Variants in STK33 observed in about 807,000 individuals in gnomAD.
The protein encoded by STK33 is serine/threonine kinase 33, also known as serine/threonine-protein kinase 33.
Under a neutral mutation model 58.0 loss-of-function variants are expected in STK33, and 52 were observed. That is an observed-to-expected ratio of 0.90 (90% CI 0.72 to 1.13). STK33 has a LOEUF of 1.13. Ranked by LOEUF, STK33 falls within the 50% of genes most tolerant of loss-of-function variation. The pLI, the probability that STK33 is intolerant of heterozygous loss-of-function variation, is 0.00. For missense variants in STK33, 630 were observed against 604.2 expected, an observed-to-expected ratio of 1.04 and a Z score of -0.45; for synonymous variants, 215 against 200.1, an observed-to-expected ratio of 1.07 and a Z score of -0.63.
the STK33 span, among the ~76,000 whole-genome samples, chr11:8,356,194 C>T: frequency 2.6e-5 from 4 of 152,178 alleles, no homozygotes; most frequent in African/African-American, 4.8e-5. Context: ...CAGGAATCTG[C>T]CCGTTAGTTA....
chr11:8,459,203 T>C (rs1209988961), intron 8 of STK33, among the ~76,000 whole-genome samples: 1 of 152,194 alleles, frequency 6.6e-6, no homozygotes, highest in African/African-American at 2.4e-5. Flanking sequence ...TGTGTAGACC[T>C]GGAGAACACT....
chr11:8,517,895 A>C (rs1181701598), intron 1 of STK33, among the ~76,000 whole-genome samples: 1 of 152,202 alleles, frequency 6.6e-6, no homozygotes, highest in Admixed American at 6.5e-5. Context: ...GGAAGAATGG[A>C]ACCAAGTTGG....
chr11:8,339,353 G>C, the STK33 span, among the ~76,000 whole-genome samples: 3 of 152,198 alleles, frequency 2.0e-5, no homozygotes, highest in African/African-American at 7.2e-5. Context: ...TAAACACCTT[G>C]TCTCCTCAGC....
chr11:8,394,369 G>A (rs1848995388), intron 15 of STK33, among the ~76,000 whole-genome samples: 1 of 152,162 alleles, frequency 6.6e-6, no homozygotes, highest in Admixed American at 6.5e-5. Context: ...CTATTAAAAG[G>A]TGAATCTAAG....
At chr11:8,402,855 T>C (rs1156385808) in intron 15 of STK33, among the ~76,000 whole-genome samples, 3 of 152,248 alleles carry the variant, frequency 2.0e-5, no homozygotes, top group Non-Finnish European at 4.4e-5. Flanking sequence ...TGTTAGGTTA[T>C]AGATTATCTA....
At chr11:8,346,586 G>A in the STK33 span, among the ~76,000 whole-genome samples, 2 of 152,312 alleles carry the variant, frequency 1.3e-5, no homozygotes, top group African/African-American at 4.8e-5. Flanking sequence ...GGAAAGGCCC[G>A]GCTTCCACCT....
chr11:8,459,592 G>A (rs151091182), intron 8 of STK33, among the ~76,000 whole-genome samples: 3 of 152,266 alleles, frequency 2.0e-5, no homozygotes, highest in African/African-American at 7.2e-5. Context: ...TCCTGAGAGA[G>A]AGGAAATACA....
At chr11:8,522,174 C>T (rs1218475585) in intron 1 of STK33, among the ~76,000 whole-genome samples, 1 of 152,182 alleles carries the variant, frequency 6.6e-6, no homozygotes, top group East Asian at 1.9e-4. Context: ...GACACATGCA[C>T]ATGATGTTTA....
intron 9 of STK33, among the ~76,000 whole-genome samples, chr11:8,456,554 G>C (rs921106994): frequency 1.3e-5 from 2 of 151,964 alleles, no homozygotes; most frequent in Admixed American, 6.6e-5. Context: ...ACCAGCTCTA[G>C]CACACCAAAC....
chr11:8,400,629 G>A (rs536366957), intron 15 of STK33, among the ~76,000 whole-genome samples: 9 of 152,124 alleles, frequency 5.9e-5, no homozygotes, highest in Non-Finnish European at 1.3e-4. Context: ...GGGCAATCAG[G>A]CAGGAGAAGG....
rs574494742 is a variant in STK33 at position 8,408,099 on chromosome 11, GA to G, written c.1344+5395del. ...AAGAAATTTTTCCTCTTAATTTCTT[GA>G]AAACATACATGACAATTTAAAGCAC... On this transcript the variant is annotated intron_variant, in intron 15 of 15. Coordinates refer to ENST00000687296, the MANE Select transcript of STK33 (RefSeq NM_001352389.2). Among the ~76,000 whole-genome samples, 460 of 152,232 alleles carry G rather than the reference GA, an allele frequency of 3.0e-3. 1 individual carries two copies. Among genetic ancestry groups the G allele is most frequent in the Non-Finnish European group, 4.9e-3 (336 of 68,004 alleles).
At chr11:8,442,966 G>A (rs1944959393) in intron 11 of STK33, among the ~76,000 whole-genome samples, 1 of 152,136 alleles carries the variant, frequency 6.6e-6, no homozygotes, top group East Asian at 1.9e-4. Context: ...GGGATTGACT[G>A]AAAGGGACAC....
the STK33 span, among the ~76,000 whole-genome samples, chr11:8,383,811 A>G: frequency 6.6e-6 from 1 of 152,184 alleles, no homozygotes; most frequent in Non-Finnish European, 1.5e-5. Context: ...GTGGACCAAG[A>G]TGGTGCCTTG....
At chr11:8,422,859 T>C (rs1001750093) in intron 14 of STK33, among the ~76,000 whole-genome samples, 8 of 151,844 alleles carry the variant, frequency 5.3e-5, no homozygotes, top group Admixed American at 1.3e-4. Context: ...GGGTCTCACA[T>C]TGTCACCCAG....
At chr11:8,441,275 G>A (rs1398372619) in intron 11 of STK33, among the ~76,000 whole-genome samples, 2 of 151,874 alleles carry the variant, frequency 1.3e-5, no homozygotes, top group Non-Finnish European at 2.9e-5. Context: ...CAAAGAGAGA[G>A]CTCCTATAAA....
chr11:8,469,945 T>G (rs1377736822), intron 6 of STK33, among the ~76,000 whole-genome samples: 2 of 152,194 alleles, frequency 1.3e-5, no homozygotes, highest in African/African-American at 4.8e-5. Flanking sequence ...CATTCAGGCT[T>G]TGTTGTTTTA....
At chr11:8,545,540 A>C (rs1041952254) in intron 1 of STK33, among the ~76,000 whole-genome samples, 4 of 152,200 alleles carry the variant, frequency 2.6e-5, no homozygotes, top group African/African-American at 9.6e-5. Context: ...AAAGATTACT[A>C]AGTACTCTTT....
chr11:8,430,271 T>C (rs1211681538), intron 14 of STK33, among the ~76,000 whole-genome samples: 2 of 152,214 alleles, frequency 1.3e-5, no homozygotes, highest in African/African-American at 2.4e-5. Context: ...TGAAAAGTTA[T>C]TTCTATCTAG....
intron 2 of STK33, among the ~76,000 whole-genome samples, chr11:8,480,151 G>A (rs1027186583): frequency 6.6e-6 from 1 of 152,126 alleles, no homozygotes; most frequent in Non-Finnish European, 1.5e-5. Flanking sequence ...AGTGGGTGCC[G>A]ATTTCCATCT....
Sources: gnomAD v4.1 joint callset for allele counts (sites outside exome capture counted in the v4.1 genomes callset) on GRCh38, gnomAD v4.1.1 for gene constraint, MANE v1.5 for transcripts, NCBI Gene and HGNC (gene_info 2026-07-23, HGNC 2026-07-21) for gene names.